PRKG1: variants seen among roughly 807,000 people sequenced by gnomAD.
PRKG1 encodes protein kinase cGMP-dependent 1, also known as cGMP-dependent protein kinase 1.
PRKG1 carries 35 observed loss-of-function variants against 88.1 expected under a neutral mutation model. The observed-to-expected ratio is 0.40, with a 90% CI of 0.30 to 0.53. PRKG1 has a LOEUF of 0.53. Ranked by LOEUF, PRKG1 falls within the 20% of genes least tolerant of loss-of-function variation. PRKG1 has a pLI of 0.59. For missense variants in PRKG1, 540 were observed against 839.8 expected (o/e 0.64, Z 4.41); for synonymous variants, 303 against 292.5 (o/e 1.04, Z -0.37).
chr10:51,629,387 T>C (rs972561916), intron 3 of PRKG1, among the ~76,000 whole-genome samples: 10 of 151,998 alleles, frequency 6.6e-5, no homozygotes, highest in Admixed American at 1.3e-4. Context: ...ACAATAGTTA[T>C]ACAACTCACC....
intron 2 of PRKG1, among the ~76,000 whole-genome samples, chr10:51,393,549 G>A (rs1363840239): frequency 1.3e-5 from 2 of 152,180 alleles, no homozygotes; most frequent in African/African-American, 2.4e-5. Context: ...TTAATAAGAA[G>A]CAAAGGAGAC....
intron 2 of PRKG1, among the ~76,000 whole-genome samples, chr10:51,355,046 T>A (rs1446792860): frequency 6.6e-6 from 1 of 152,052 alleles, no homozygotes; most frequent in Non-Finnish European, 1.5e-5. Flanking sequence ...TTTTACAGAT[T>A]TGTGACATGA....
At chr10:51,591,580 C>A (rs1838313743) in intron 3 of PRKG1, among the ~76,000 whole-genome samples, 1 of 152,098 alleles carries the variant, frequency 6.6e-6, no homozygotes, top group African/African-American at 2.4e-5. Context: ...GTCTAATTAA[C>A]AAGATACAGT....
At chr10:51,357,916 A>G (rs1842400386) in intron 2 of PRKG1, among the ~76,000 whole-genome samples, 1 of 151,964 alleles carries the variant, frequency 6.6e-6, no homozygotes, top group Non-Finnish European at 1.5e-5. Context: ...CTAAGTTTTC[A>G]TTACTGTTCA....
intron 2 of PRKG1, among the ~76,000 whole-genome samples, chr10:51,214,992 G>A (rs1838333265): frequency 6.6e-6 from 1 of 152,108 alleles, no homozygotes; most frequent in Non-Finnish European, 1.5e-5. Flanking sequence ...AAGTGACCTT[G>A]TCACTTCTAC....
At chr10:51,921,523 GTTAAGTA>G (rs1401850824) in intron 5 of PRKG1, among the ~76,000 whole-genome samples, 1 of 152,058 alleles carries the variant, frequency 6.6e-6, no homozygotes, top group Admixed American at 6.6e-5. Context: ...GTTTCTCACT[GTTAAGTA>G]TGTTAGCCGT....
chr10:51,466,550 T>C (rs1181290233), intron 2 of PRKG1, among the ~76,000 whole-genome samples: 1 of 152,014 alleles, frequency 6.6e-6, no homozygotes, highest in African/African-American at 2.4e-5. Context: ...ACCACTAGTA[T>C]ATGGATTAAA....
intron 3 of PRKG1, among the ~76,000 whole-genome samples, chr10:51,647,924 T>C (rs2132308228): frequency 6.6e-6 from 1 of 152,206 alleles, no homozygotes; most frequent in East Asian, 1.9e-4. Context: ...GACTTAAAAG[T>C]CCATGCCCTA....
intron 5 of PRKG1, among the ~76,000 whole-genome samples, chr10:52,032,116 C>T (rs760531625): frequency 6.6e-6 from 1 of 152,252 alleles, no homozygotes; most frequent in Non-Finnish European, 1.5e-5. Context: ...TTTTGGGAAT[C>T]AATTTCTAAT....
chr10:51,685,573 C>T (rs1221198221), intron 3 of PRKG1, among the ~76,000 whole-genome samples: 2 of 152,158 alleles, frequency 1.3e-5, no homozygotes, highest in African/African-American at 2.4e-5. Flanking sequence ...AAAGTATTTG[C>T]TCACTGTGTA....
At chr10:50,992,548 G>A (rs1340594343) in intron 1 of PRKG1, among the ~76,000 whole-genome samples, 1 of 152,156 alleles carries the variant, frequency 6.6e-6, no homozygotes, top group African/African-American at 2.4e-5. Context: ...GCGGAGGGGT[G>A]AGGGTAGGCT....
chr10:52,245,935 C>A (rs900578194), intron 9 of PRKG1, among the ~76,000 whole-genome samples: 1 of 151,924 alleles, frequency 6.6e-6, no homozygotes, highest in East Asian at 1.9e-4. Flanking sequence ...TAGTTATGTT[C>A]CTTTTGCATG....
chr10:51,997,943 G>GTGAT (rs1844493984), intron 5 of PRKG1, among the ~76,000 whole-genome samples: 1 of 151,964 alleles, frequency 6.6e-6, no homozygotes, highest in Admixed American at 6.6e-5. Flanking sequence ...AATAGAGGTG[G>GTGAT]TGATAGCAAG....
chr10:51,140,416 AG>A (rs1845792994), intron 1 of PRKG1, among the ~76,000 whole-genome samples: 1 of 152,226 alleles, frequency 6.6e-6, no homozygotes, highest in South Asian at 2.1e-4. Flanking sequence ...ATGAATCAAC[AG>A]TGTAAGGATC....
At chr10:51,264,409 A>C (rs1839789105) in intron 2 of PRKG1, among the ~76,000 whole-genome samples, 1 of 152,218 alleles carries the variant, frequency 6.6e-6, no homozygotes, top group Non-Finnish European at 1.5e-5. Context: ...GAAGATAGAG[A>C]AGTTCCTATT....
In PRKG1 at chr10:52,296,946, T is replaced by C. The variant is rs1842397362; in HGVS notation, c.*3046T>C. 1 of 152,118 alleles carries C rather than the reference T, an allele frequency of 6.6e-6. No homozygotes were observed. 9.4% of individuals were successfully genotyped at this position (152,118 alleles called of 1,614,324 possible). On this transcript the variant is annotated 3_prime_UTR_variant, in exon 18 of 18. Coordinates refer to ENST00000373980, the MANE Select transcript of PRKG1 (RefSeq NM_006258.4). The stretch of plus-strand genomic sequence containing the variant: ...CATGTGAATTACACATGTGTAGTAA[T>C]AAACTCAACTATTGAATTTTTCCTG...
At chr10:52,140,050 C>T (rs973122886) in intron 8 of PRKG1, among the ~76,000 whole-genome samples, 4 of 152,134 alleles carry the variant, frequency 2.6e-5, no homozygotes, top group African/African-American at 7.2e-5. Context: ...ATATCATTTT[C>T]TTATGTCAAG....
intron 2 of PRKG1, among the ~76,000 whole-genome samples, chr10:51,324,571 C>CAA (rs34429733): frequency 2.8e-3 from 236 of 84,426 alleles, no homozygotes; most frequent in Middle Eastern, 0.014. Context: ...ACTAAAAATA[C>CAA]AAAAAAAAAA....
intron 2 of PRKG1, among the ~76,000 whole-genome samples, chr10:51,432,678 T>C (rs1203761726): frequency 2.0e-5 from 3 of 152,140 alleles, no homozygotes; most frequent in Non-Finnish European, 4.4e-5. Context: ...TACCTTAGGG[T>C]GTCTGCTTAT....
Sources: allele counts gnomAD v4.1 joint callset (sites outside exome capture counted in the v4.1 genomes callset), GRCh38; gene constraint gnomAD v4.1.1; transcripts MANE v1.5; gene names NCBI Gene and HGNC (gene_info 2026-07-23, HGNC 2026-07-21).